The following BICC1 variants were observed in gnomAD, a reference collection of about 807,000 sequenced individuals.
BICC1 encodes the protein BicC family RNA binding protein 1.
Under a neutral mutation model 111.0 loss-of-function variants are expected in BICC1, and 43 were observed. That is an observed-to-expected ratio of 0.39 (90% confidence interval 0.30 to 0.50). BICC1 has a LOEUF of 0.50. BICC1 is among the 20% of genes least tolerant of loss of function. BICC1 has a pLI of 0.88. For missense variants in BICC1, 1,091 were observed against 1,203.2 expected, an observed-to-expected ratio of 0.91 and a Z score of 1.38; for synonymous variants, 467 against 434.4, an observed-to-expected ratio of 1.07 and a Z score of -0.93.
chr10:58,632,892 C>T (rs1837841047), intron 2 of BICC1, among the ~76,000 whole-genome samples: 2 of 149,982 alleles, frequency 1.3e-5, no homozygotes, highest in Non-Finnish European at 3.0e-5. Flanking sequence ...GATATCACTT[C>T]ATCTGAGCTA....
chr10:58,521,799 TTTTTTTTG>T, intron 1 of BICC1, among the ~76,000 whole-genome samples: 1 of 130,902 alleles, frequency 7.6e-6, no homozygotes, highest in African/African-American at 3.0e-5. Flanking sequence ...TTTTTTTTTT[TTTTTTTTG>T]AGGGAGTACA....
chr10:58,794,610 G>A (rs923823812), intron 9 of BICC1, among the ~76,000 whole-genome samples: 3 of 151,956 alleles, frequency 2.0e-5, no homozygotes, highest in Admixed American at 6.6e-5. Flanking sequence ...TGTAGAAATG[G>A]GGTTTGGCCA....
intron 2 of BICC1, among the ~76,000 whole-genome samples, chr10:58,673,202 T>C (rs528907078): frequency 6.6e-6 from 1 of 152,350 alleles, no homozygotes; most frequent in South Asian, 2.1e-4. Context: ...CACATTTTTT[T>C]CCTATATCAG....
intron 3 of BICC1, among the ~76,000 whole-genome samples, chr10:58,747,595 C>G (rs956779498): frequency 2.6e-5 from 4 of 151,864 alleles, no homozygotes; most frequent in African/African-American, 9.7e-5. Flanking sequence ...CTTCATTTAC[C>G]TATCATTTTT....
chr10:58,539,541 A>G (rs1451356131), intron 1 of BICC1, among the ~76,000 whole-genome samples: 1 of 151,674 alleles, frequency 6.6e-6, no homozygotes, highest in Non-Finnish European at 1.5e-5. Flanking sequence ...TGAAATAAAA[A>G]AAAATTTTTG....
intron 20 of BICC1, chr10:58,824,092 T>C: frequency 1.0e-6 from 1 of 984,456 alleles, no homozygotes; most frequent in Non-Finnish European, 1.2e-6. Flanking sequence ...CTCTGTTATC[T>C]GGCATACTTG....
chr10:58,662,475 G>C (rs766720507), intron 2 of BICC1, among the ~76,000 whole-genome samples: 3 of 152,186 alleles, frequency 2.0e-5, no homozygotes, highest in Non-Finnish European at 4.4e-5. Context: ...CCAGAAGTCA[G>C]CTAAGTCTCC....
chr10:58,646,064 CT>C (rs61143812), intron 2 of BICC1, among the ~76,000 whole-genome samples: 4,350 of 142,688 alleles, frequency 0.03, 66 homozygotes, highest in South Asian at 0.05. Context: ...ATTTGCAATG[CT>C]TTTTTTTTTT....
At chr10:58,560,949 A>G (rs1843587488) in intron 1 of BICC1, among the ~76,000 whole-genome samples, 1 of 151,910 alleles carries the variant, frequency 6.6e-6, no homozygotes, top group South Asian at 2.1e-4. Context: ...TTTTTGGGTT[A>G]TTATCTGGTC....
At chr10:58,672,037 G>C (rs1337053189) in intron 2 of BICC1, among the ~76,000 whole-genome samples, 4 of 152,050 alleles carry the variant, frequency 2.6e-5, no homozygotes, top group Non-Finnish European at 4.4e-5. Context: ...TCTGTGCAGT[G>C]TCTAAATGTT....
chr10:58,611,506 C>T (rs544502228), intron 1 of BICC1, among the ~76,000 whole-genome samples: 19 of 149,498 alleles, frequency 1.3e-4, no homozygotes, highest in East Asian at 9.7e-4. Flanking sequence ...GACAGAATCT[C>T]GCACTGTTGC....
chr10:58,810,125 A>G (rs949278940), intron 17 of BICC1, among the ~76,000 whole-genome samples: 5 of 152,240 alleles, frequency 3.3e-5, no homozygotes, highest in Admixed American at 6.5e-5. Flanking sequence ...ATGTAACCCT[A>G]TGGGGATAAG....
In BICC1 at chr10:58,828,979, C is replaced by T. The variant is rs1453908444; in HGVS notation, c.*88C>T. ...AGCCTTCACAGCACACCATCCTTAGCACTCTGGGTGTCTGGTATCAGGACC... is the reference window on the plus strand; with the variant it reads ...AGCCTTCACAGCACACCATCCTTAGTACTCTGGGTGTCTGGTATCAGGACC... On this transcript the variant is annotated 3_prime_UTR_variant, in exon 21 of 21. Coordinates refer to ENST00000373886, the MANE Select transcript of BICC1 (RefSeq NM_001080512.3). The T allele has an allele frequency of 2.7e-6, 4 of 1,502,250 alleles. No homozygotes were observed. Among genetic ancestry groups the T allele is most frequent in the Non-Finnish European group, 3.6e-6 (4 of 1,104,560 alleles). 93.1% of individuals were successfully genotyped at this position (1,502,250 alleles called of 1,614,324 possible).
intron 1 of BICC1, among the ~76,000 whole-genome samples, chr10:58,617,587 G>A (rs6481410): frequency 0.3 from 45,551 of 152,144 alleles, 7,056 homozygotes; most frequent in South Asian, 0.37. Flanking sequence ...TAGTACTGAC[G>A]CCATATGGTT....
intron 2 of BICC1, among the ~76,000 whole-genome samples, chr10:58,633,196 C>T (rs375583656): frequency 3.9e-5 from 6 of 152,302 alleles, no homozygotes; most frequent in East Asian, 3.9e-4. Flanking sequence ...TAAGACATGA[C>T]TTTGCTCCCC....
intron 1 of BICC1, among the ~76,000 whole-genome samples, chr10:58,607,174 A>G (rs1845247397): frequency 6.6e-6 from 1 of 151,660 alleles, no homozygotes; most frequent in Non-Finnish European, 1.5e-5. Flanking sequence ...AAATTAGCCG[A>G]GTGTGGTGGT....
chr10:58,704,980 C>T (rs2132461258), intron 3 of BICC1, among the ~76,000 whole-genome samples: 1 of 152,322 alleles, frequency 6.6e-6, no homozygotes, highest in African/African-American at 2.4e-5. Context: ...CTAAACTTTA[C>T]TTTTTAAGCC....
intron 1 of BICC1, among the ~76,000 whole-genome samples, chr10:58,577,654 C>T (rs1844151855): frequency 6.6e-6 from 1 of 152,154 alleles, no homozygotes; most frequent in Non-Finnish European, 1.5e-5. Context: ...GGCTATATTG[C>T]AATACTTTCT....
intron 11 of BICC1, 118 bp downstream of exon 11, chr10:58,798,678 C>T (rs1459791966): frequency 1.1e-6 from 1 of 918,356 alleles, no homozygotes; most frequent in Non-Finnish European, 1.6e-6. Context: ...AAGCATACTC[C>T]ATTGAAACAG....
Sources: allele counts gnomAD v4.1 joint callset (sites outside exome capture counted in the v4.1 genomes callset), GRCh38; gene constraint gnomAD v4.1.1; transcripts MANE v1.5; gene names NCBI Gene and HGNC (gene_info 2026-07-23, HGNC 2026-07-21).